PTPRD: variants seen among roughly 807,000 people sequenced by gnomAD.
PTPRD encodes receptor-type tyrosine-protein phosphatase delta.
PTPRD carries 34 observed loss-of-function variants against 214.5 expected under a neutral mutation model. The observed-to-expected ratio is 0.16, with a 90% confidence interval of 0.12 to 0.21. The LOEUF (loss-of-function observed/expected upper bound fraction) is 0.21, where lower values mean the gene tolerates loss of function less well. Ranked by LOEUF, PTPRD falls within the 10% of genes least tolerant of loss-of-function variation. PTPRD has a pLI of 1.00. For synonymous variants in PTPRD, 1,128 were observed against 845.7 expected (o/e 1.33, Z -5.79); for missense variants, 2,545 against 2,398.7 (o/e 1.06, Z -1.27).
intron 2 of PTPRD, among the ~76,000 whole-genome samples, chr9:10,597,053 G>C (rs942570154): frequency 6.6e-6 from 1 of 150,792 alleles, no homozygotes; most frequent in African/African-American, 2.4e-5. Flanking sequence ...CTAGGTTATA[G>C]TCTTGGATTT....
intron 5 of PTPRD, among the ~76,000 whole-genome samples, chr9:9,935,558 T>C (rs1235413517): frequency 1.3e-5 from 2 of 151,878 alleles, no homozygotes; most frequent in African/African-American, 2.4e-5. Context: ...TACAAACCAA[T>C]GCTCAAGGAA....
At chr9:8,779,810 G>C (rs970830409) in intron 11 of PTPRD, among the ~76,000 whole-genome samples, 3 of 132,168 alleles carry the variant, frequency 2.3e-5, no homozygotes, top group Non-Finnish European at 3.2e-5. Flanking sequence ...TCGATGTTTT[G>C]TTGGTTTTTT....
At chr9:8,742,463 A>C (rs1465116526) in intron 11 of PTPRD, among the ~76,000 whole-genome samples, 1 of 152,192 alleles carries the variant, frequency 6.6e-6, no homozygotes, top group Non-Finnish European at 1.5e-5. Flanking sequence ...CATCTTTAAA[A>C]ATCAAAACAG....
chr9:8,953,292 G>A (rs2099113444), intron 11 of PTPRD, among the ~76,000 whole-genome samples: 1 of 151,842 alleles, frequency 6.6e-6, no homozygotes, highest in South Asian at 2.1e-4. Context: ...ATATGCAGAA[G>A]AATGGCTATC....
intron 7 of PTPRD, among the ~76,000 whole-genome samples, chr9:9,595,798 G>A (rs1334046985): frequency 6.6e-6 from 1 of 151,862 alleles, no homozygotes; most frequent in African/African-American, 2.4e-5. Flanking sequence ...CAGGGGGAAA[G>A]GGTGGGAAGG....
At chr9:10,073,562 T>A (rs2098075084) in intron 3 of PTPRD, among the ~76,000 whole-genome samples, 1 of 152,142 alleles carries the variant, frequency 6.6e-6, no homozygotes, top group Non-Finnish European at 1.5e-5. Context: ...AAGAAATATT[T>A]GATTTGCTAA....
intron 2 of PTPRD, among the ~76,000 whole-genome samples, chr9:10,480,400 G>A (rs1488942934): frequency 1.3e-5 from 2 of 152,150 alleles, no homozygotes; most frequent in Admixed American, 1.3e-4. Context: ...ATTACAAGGG[G>A]AAGAAAGTAA....
intron 5 of PTPRD, among the ~76,000 whole-genome samples, chr9:9,859,785 A>G (rs1366544228): frequency 6.6e-6 from 1 of 152,190 alleles, no homozygotes; most frequent in African/African-American, 2.4e-5. Context: ...TATCCTTACC[A>G]AAGTAATTTG....
In PTPRD at chr9:8,316,971, A is replaced by G. The variant is rs1363570918; in HGVS notation, c.*903T>C. On this transcript the variant is annotated 3_prime_UTR_variant, in exon 46 of 46. Coordinates refer to ENST00000381196, the MANE Select transcript of PTPRD (RefSeq NM_002839.4). ...ACATAGACACCCTTATAAAATATGG[A>G]TATATATGTATATATGTTAGCAGCA... is the stretch of plus-strand genomic sequence containing the variant. 2 of 231,488 alleles carry G rather than the reference A, an allele frequency of 8.6e-6. No individual in the cohort carries two copies. 14.3% of individuals were successfully genotyped at this position (231,488 alleles called of 1,614,324 possible). A position where few individuals can be genotyped will look rare whatever the true frequency, so the allele number is the denominator to read the frequency against.
At chr9:10,153,706 G>T (rs1007573364) in intron 3 of PTPRD, among the ~76,000 whole-genome samples, 1 of 151,850 alleles carries the variant, frequency 6.6e-6, no homozygotes, top group Non-Finnish European at 1.5e-5. Flanking sequence ...TCACCCTCTG[G>T]GAGGTAACAG....
chr9:9,748,599 C>A lies in PTPRD; in HGVS notation c.-325-14028G>T, dbSNP rs1010980098. ...AATGAGGAGGAGTACTGCTGAGGTACTGAAGGAACTACAACCAATTTCAAT... is the reference window on the plus strand; with the variant it reads ...AATGAGGAGGAGTACTGCTGAGGTAATGAAGGAACTACAACCAATTTCAAT... On this transcript the variant is annotated intron_variant, in intron 6 of 45. Transcript: ENST00000381196. Among the ~76,000 whole-genome samples, 3 of 152,284 alleles carry A rather than the reference C, an allele frequency of 2.0e-5. No individual in the cohort carries two copies. In the South Asian group the frequency reaches 6.2e-4, roughly 32 times the overall value.
intron 11 of PTPRD, among the ~76,000 whole-genome samples, chr9:8,966,497 T>C (rs1231517764): frequency 6.6e-6 from 1 of 151,250 alleles, no homozygotes; most frequent in Non-Finnish European, 1.5e-5. Flanking sequence ...TTATCAAAAA[T>C]AACCAGTGGG....
At chr9:9,106,586 T>C (rs984795240) in intron 10 of PTPRD, among the ~76,000 whole-genome samples, 1 of 146,490 alleles carries the variant, frequency 6.8e-6, no homozygotes, top group African/African-American at 2.5e-5. Context: ...GGTGTTTATA[T>C]TTGCTGTTAA....
At chr9:10,410,504 A>C (rs2098423307) in intron 2 of PTPRD, among the ~76,000 whole-genome samples, 1 of 151,180 alleles carries the variant, frequency 6.6e-6, no homozygotes, top group South Asian at 2.1e-4. Flanking sequence ...ATAGACACAA[A>C]CTGTTGATGT....
At position 9,481,696 on chromosome 9, in the gene PTPRD, G is replaced by C. The variant is rs945981237; in HGVS notation, c.-236-84214C>G. Among the ~76,000 whole-genome samples, 2 of 151,816 alleles carry C rather than the reference G, an allele frequency of 1.3e-5. 1 individual carries two copies. The highest frequency in any genetic ancestry group is 2.9e-5 in the Non-Finnish European group (2 of 67,976). On this transcript the variant is annotated intron_variant, in intron 8 of 45. Transcript: ENST00000381196. ...GTCCATGAAGGCGAAAATGCCTAGAGCTCGCAAATGTCATATTGCAGTGCT... is the reference window on the plus strand; with the variant it reads ...GTCCATGAAGGCGAAAATGCCTAGACCTCGCAAATGTCATATTGCAGTGCT...
chr9:8,619,650 T>G (rs2095746839), intron 14 of PTPRD, among the ~76,000 whole-genome samples: 1 of 152,032 alleles, frequency 6.6e-6, no homozygotes, highest in Non-Finnish European at 1.5e-5. Context: ...CATCTTTTTG[T>G]GTTCTCAGAG....
intron 2 of PTPRD, among the ~76,000 whole-genome samples, chr9:10,597,514 T>G (rs1173813363): frequency 6.6e-6 from 1 of 151,802 alleles, no homozygotes; most frequent in African/African-American, 2.4e-5. Flanking sequence ...AAAAATGCAG[T>G]TGGGCTTCAT....
chr9:8,874,217 C>T (rs1443492848), intron 11 of PTPRD, among the ~76,000 whole-genome samples: 1 of 152,156 alleles, frequency 6.6e-6, no homozygotes, highest in African/African-American at 2.4e-5. Context: ...CAGTGACTTG[C>T]CCATAACTTG....
At chr9:8,809,710 G>C (rs536878217) in intron 11 of PTPRD, among the ~76,000 whole-genome samples, 1 of 152,128 alleles carries the variant, frequency 6.6e-6, no homozygotes, top group African/African-American at 2.4e-5. Flanking sequence ...TTTACTCTGC[G>C]TACAAATCCA....
Sources: allele counts gnomAD v4.1 joint callset (sites outside exome capture counted in the v4.1 genomes callset), GRCh38; gene constraint gnomAD v4.1.1; transcripts MANE v1.5; gene names NCBI Gene and HGNC (gene_info 2026-07-23, HGNC 2026-07-21).